PDE1C: variants seen among roughly 807,000 people sequenced by gnomAD.
PDE1C encodes dual specificity calcium/calmodulin-dependent 3',5'-cyclic nucleotide phosphodiesterase 1C.
Under a neutral mutation model 93.1 loss-of-function variants are expected in PDE1C, and 62 were observed. The ratio of observed to expected loss-of-function variants is 0.67; its 90% CI spans 0.54 to 0.82. The LOEUF (loss-of-function observed/expected upper bound fraction) is 0.82. PDE1C is among the 40% of genes least tolerant of loss of function. The pLI is 0.00. For synonymous variants in PDE1C, 325 were observed against 310.1 expected (o/e 1.05, Z -0.50); for missense variants, 742 against 884.6 (o/e 0.84, Z 2.04).
chr7:31,704,728 C>T, the PDE1C span, among the ~76,000 whole-genome samples: 2 of 152,110 alleles, frequency 1.3e-5, no homozygotes, highest in Non-Finnish European at 2.9e-5. Flanking sequence ...TCCAATTTTA[C>T]GGGTGAATAA....
At chr7:31,931,098 A>T (rs1448199822) in intron 2 of PDE1C, among the ~76,000 whole-genome samples, 3 of 152,164 alleles carry the variant, frequency 2.0e-5, no homozygotes, top group African/African-American at 7.2e-5. Flanking sequence ...CAAAATAATA[A>T]GAGTTATTTA....
chr7:31,717,837 G>A, the PDE1C span, among the ~76,000 whole-genome samples: 1 of 152,066 alleles, frequency 6.6e-6, no homozygotes, highest in Non-Finnish European at 1.5e-5. Context: ...TAATGCGGAA[G>A]GAGAGAAGGT....
intron 10 of PDE1C, 83 bp downstream of exon 10, chr7:31,837,787 T>G: frequency 1.2e-6 from 1 of 835,128 alleles, no homozygotes; most frequent in African/African-American, 1.7e-5. Context: ...TTAAAGGAGA[T>G]GCTCTTTAAA....
At chr7:32,056,196 A>C (rs1794051160) in intron 1 of PDE1C, among the ~76,000 whole-genome samples, 1 of 152,002 alleles carries the variant, frequency 6.6e-6, no homozygotes. Context: ...TGGGAGATGG[A>C]GAGGCCAGCT....
At chr7:32,249,919 A>G (rs1809242601) in intron 1 of PDE1C, among the ~76,000 whole-genome samples, 1 of 152,232 alleles carries the variant, frequency 6.6e-6, no homozygotes, top group African/African-American at 2.4e-5. Flanking sequence ...TAGAGTATCA[A>G]ATAAAGAATA....
chr7:32,360,792 GAAGACA>G (rs1784123088), intron 1 of PDE1C, among the ~76,000 whole-genome samples: 1 of 152,178 alleles, frequency 6.6e-6, no homozygotes, highest in African/African-American at 2.4e-5. Flanking sequence ...TCTGCTCTCT[GAAGACA>G]TAAAATTTCC....
chr7:32,015,513 T>C lies in PDE1C; in HGVS notation c.128+36041A>G, dbSNP rs150736202. Reference sequence around the variant, plus strand: ...AAAGGACAATTTATATGATTCCTCATATTTCTGCCTGCCCCCCACCCCACC... The same window carrying C: ...AAAGGACAATTTATATGATTCCTCACATTTCTGCCTGCCCCCCACCCCACC... On this transcript the variant is annotated intron_variant, in intron 2 of 17. Transcript: ENST00000396191. Among the ~76,000 whole-genome samples, 881 of 152,214 alleles carry C rather than the reference T, an allele frequency of 5.8e-3. 4 individuals are homozygous for C. Among genetic ancestry groups the C allele is most frequent in the Middle Eastern group, 0.01 (3 of 294 alleles).
the PDE1C span, among the ~76,000 whole-genome samples, chr7:31,718,050 C>T: frequency 3.3e-5 from 5 of 152,114 alleles, no homozygotes; most frequent in Non-Finnish European, 7.4e-5. Flanking sequence ...ACCTATGTGA[C>T]CCCCTGAGGT....
chr7:32,107,055 GTGGACTCATCAGTAGAA>G (rs1349311677), intron 3 of PDE1C, among the ~76,000 whole-genome samples: 2 of 151,674 alleles, frequency 1.3e-5, no homozygotes, highest in Non-Finnish European at 2.9e-5. Flanking sequence ...AATGACTTTG[GTGGACTCATCAGTAGAA>G]TGGACATGGC....
chr7:31,691,863 G>T, the PDE1C span, among the ~76,000 whole-genome samples: 2 of 149,964 alleles, frequency 1.3e-5, no homozygotes, highest in Non-Finnish European at 3.0e-5. Flanking sequence ...TTCAATTCGG[G>T]TTCAAAGGAT....
intron 3 of PDE1C, among the ~76,000 whole-genome samples, chr7:32,164,921 T>TA (rs1416184868): frequency 7.2e-5 from 11 of 152,160 alleles, no homozygotes; most frequent in African/African-American, 2.7e-4. Context: ...CTCTATTCTC[T>TA]TTTAAGAAAA....
At chr7:32,238,388 G>A (rs1467018221) in intron 1 of PDE1C, among the ~76,000 whole-genome samples, 1 of 152,208 alleles carries the variant, frequency 6.6e-6, no homozygotes, top group Non-Finnish European at 1.5e-5. Flanking sequence ...GAAGACAACA[G>A]CATAAAGATG....
intron 2 of PDE1C, among the ~76,000 whole-genome samples, chr7:32,037,046 C>T (rs774367802): frequency 1.6e-4 from 24 of 152,052 alleles, no homozygotes; most frequent in Admixed American, 5.2e-4. Context: ...CTATCAATTA[C>T]GTAAGAAAGA....
At chr7:31,937,096 T>C (rs1203872773) in intron 2 of PDE1C, among the ~76,000 whole-genome samples, 2 of 151,944 alleles carry the variant, frequency 1.3e-5, no homozygotes, top group Non-Finnish European at 2.9e-5. Context: ...ATAGGGGGGA[T>C]TGTGGAAGCC....
At chr7:31,654,000 T>C in the PDE1C span, among the ~76,000 whole-genome samples, 1 of 127,184 alleles carries the variant, frequency 7.9e-6, no homozygotes, top group Admixed American at 8.9e-5. Context: ...GAGACAGCCA[T>C]AAATAAGACA....
At chr7:31,901,549 T>C (rs1009005034) in intron 2 of PDE1C, among the ~76,000 whole-genome samples, 7 of 151,200 alleles carry the variant, frequency 4.6e-5, no homozygotes, top group African/African-American at 1.2e-4. Context: ...TTTAAAGATA[T>C]AAATTTCTCC....
intron 1 of PDE1C, among the ~76,000 whole-genome samples, chr7:32,336,290 A>G (rs1237784990): frequency 1.3e-5 from 2 of 152,192 alleles, no homozygotes; most frequent in East Asian, 3.8e-4. Context: ...AGAATCTTCT[A>G]TATATTATCC....
chr7:32,368,271 T>G (rs1784261492), intron 1 of PDE1C, among the ~76,000 whole-genome samples: 1 of 152,032 alleles, frequency 6.6e-6, no homozygotes, highest in South Asian at 2.1e-4. Context: ...CTCTTAGAAC[T>G]GAAAAAACTC....
chr7:32,028,029 C>A (rs1024431938), intron 2 of PDE1C, among the ~76,000 whole-genome samples: 1 of 152,082 alleles, frequency 6.6e-6, no homozygotes, highest in Non-Finnish European at 1.5e-5. Flanking sequence ...TGGCTCACTG[C>A]CAGTCTTCCT....
Sources: gnomAD v4.1 joint callset for allele counts (sites outside exome capture counted in the v4.1 genomes callset) on GRCh38, gnomAD v4.1.1 for gene constraint, MANE v1.5 for transcripts, NCBI Gene and HGNC (gene_info 2026-07-23, HGNC 2026-07-21) for gene names.